The following ZNF490 variants were observed in gnomAD, a reference collection of about 807,000 sequenced individuals.
The protein encoded by ZNF490 is zinc finger protein 490.
Under a neutral mutation model 17.7 loss-of-function variants are expected in ZNF490, and 11 were observed. The ratio of observed to expected loss-of-function variants is 0.62; its 90% CI spans 0.39 to 1.03. The LOEUF is 1.03. Among genes scored for constraint, ZNF490 ranks in the 50% least tolerant of loss-of-function variants. The pLI, the probability that ZNF490 is intolerant of heterozygous loss-of-function variation, is 0.00. For synonymous variants in ZNF490, 222 were observed against 216.1 expected, an observed-to-expected ratio of 1.03 and a Z score of -0.24; for missense variants, 542 against 643.4, an observed-to-expected ratio of 0.84 and a Z score of 1.71.
intron 2 of ZNF490, among the ~76,000 whole-genome samples, chr19:12,591,936 G>C (rs2022877463): frequency 6.6e-6 from 1 of 152,034 alleles, no homozygotes; most frequent in South Asian, 2.1e-4. Flanking sequence ...ACCTGCACAT[G>C]AATGCTTATA....
At position 12,592,134 on chromosome 19, in the gene ZNF490, G is replaced by C. The variant is rs373930601; in HGVS notation, c.163-8578C>G. On this transcript the variant is annotated intron_variant, in intron 2 of 4. Coordinates refer to ENST00000311437, the MANE Select transcript of ZNF490 (RefSeq NM_020714.3). Reference sequence around the variant, plus strand: ...GGGCAGACCATGAGGTCAGGAGATCGAGACTATCCTGGCCAACATGGTGAA... The same window carrying C: ...GGGCAGACCATGAGGTCAGGAGATCCAGACTATCCTGGCCAACATGGTGAA... 6.8e-4 allele frequency among the ~76,000 whole-genome samples: 103 copies of C among 152,266 alleles called. 1 individual carries two copies. Among genetic ancestry groups the C allele is most frequent in the African/African-American group, 2.3e-3 (95 of 41,562 alleles).
chr19:12,583,756 G>GCT (rs1195574032), intron 2 of ZNF490, among the ~76,000 whole-genome samples, 200 bp from the exon 3 acceptor site: 928 of 29,162 alleles, frequency 0.032, 7 homozygotes, highest in Admixed American at 0.048. Flanking sequence ...AAATTATTGC[G>GCT]CTCTCTCTCT....
At chr19:12,592,416 G>A (rs35945052) in intron 2 of ZNF490, among the ~76,000 whole-genome samples, 74,821 of 151,478 alleles carry the variant, frequency 0.49, 21,574 homozygotes, top group Non-Finnish European at 0.66. Context: ...AAAAAAAGAC[G>A]TGGAGAAACC....
intron 2 of ZNF490, among the ~76,000 whole-genome samples, chr19:12,600,299 G>A (rs1427997088): frequency 1.3e-5 from 2 of 151,974 alleles, no homozygotes; most frequent in African/African-American, 4.8e-5. Flanking sequence ...CCCAGGAGGT[G>A]GAAGTTGCAG....
In ZNF490 at chr19:12,609,042, A is replaced by C. The variant is rs1428549412; in HGVS notation, c.162+116T>G. On this transcript the variant is annotated intron_variant, in intron 2 of 4. Transcript: ENST00000311437. ...CCTGGTTATTGGCCTTGACTATGGG[A>C]GTGCCTTCACAAAGACCCGAAAGAC... 4 of 857,200 alleles carry C rather than the reference A, an allele frequency of 4.7e-6. No individual in the cohort carries two copies. In the East Asian group the frequency reaches 7.8e-5, roughly 17 times the overall value. 53.1% of individuals were successfully genotyped at this position (857,200 alleles called of 1,614,324 possible). A position where few individuals can be genotyped will look rare whatever the true frequency, so the allele number is the denominator to read the frequency against.
intron 1 of ZNF490, chr19:12,609,946 G>A (rs2023124718): frequency 2.2e-6 from 1 of 455,084 alleles, no homozygotes; most frequent in South Asian, 1.6e-5. Flanking sequence ...ATATATCCAC[G>A]TAACACAAGT....
chr19:12,576,831 A>C lies in ZNF490; in HGVS notation c.*3654T>G, dbSNP rs1051874437. Among the ~76,000 whole-genome samples the C allele has an allele frequency of 4.6e-5, 7 of 151,210 alleles. No individual in the cohort carries two copies. The highest frequency in any genetic ancestry group is 3.5e-3 in the Middle Eastern group (1 of 288). On this transcript the variant is annotated 3_prime_UTR_variant, in exon 5 of 5. Coordinates refer to ENST00000311437, the MANE Select transcript of ZNF490 (RefSeq NM_020714.3). ...TCCATCTCAAAAAAAAAAAAAAAAA[A>C]AAAAACCTAAAAGCATTCCATATTT...
chr19:12,580,344 G>A lies in ZNF490; in HGVS notation c.*141C>T, dbSNP rs971057088. On this transcript the variant is annotated 3_prime_UTR_variant, in exon 5 of 5. Transcript: ENST00000311437. Reference sequence around the variant, plus strand: ...TTTGTTAAATATTTCATTGCCGCATGAGTCACGTCTTCAAAGGGAATTAGG... The same window carrying A: ...TTTGTTAAATATTTCATTGCCGCATAAGTCACGTCTTCAAAGGGAATTAGG... 1 of 1,456,392 alleles carries A rather than the reference G, an allele frequency of 6.9e-7. No individual in the cohort carries two copies. Among genetic ancestry groups the A allele is most frequent in the Non-Finnish European group, 9.0e-7 (1 of 1,110,084 alleles). The allele number at this position is 1,456,392 out of a possible 1,614,324, so 90.2% of individuals were successfully genotyped here.
chr19:12,609,130 C>A, intron 2 of ZNF490, 28 bp downstream of exon 2: 2 of 1,612,722 alleles, frequency 1.2e-6, no homozygotes, highest in South Asian at 1.1e-5. Flanking sequence ...GGAAGGTAGC[C>A]ACGCTGACAG....
intron 2 of ZNF490, among the ~76,000 whole-genome samples, chr19:12,608,593 C>T (rs2023101717): frequency 6.6e-6 from 1 of 151,934 alleles, no homozygotes; most frequent in African/African-American, 2.4e-5. Context: ...GCCTCAGCCA[C>T]CCAAGTAGCT....
chr19:12,602,077 T>TACACAC (rs1386548305), intron 2 of ZNF490, among the ~76,000 whole-genome samples: 7 of 59,032 alleles, frequency 1.2e-4, no homozygotes, highest in East Asian at 6.1e-4. Context: ...CAGTTCACTA[T>TACACAC]ATACACACAC....
rs941344639 is a variant in ZNF490, at chr19:12,580,918, C to T, written c.1157G>A (p.Gly386Glu). The T allele has an allele frequency of 6.2e-7, 1 of 1,614,154 alleles. No homozygotes were observed. The highest frequency in any genetic ancestry group is 8.5e-7 in the Non-Finnish European group (1 of 1,180,034). ...TTGTTTACATTCATAGGGTTTTTCT[C>T]CAAAATGAGTTCTTTCGTGCACTTC... Reference protein sequence around the residue: ...SCEVHERTHFGEKPYECKQCG... With the variant: ...SCEVHERTHFEEKPYECKQCG... The change falls in exon 5 of 5, where the codon GGA becomes GAA. Residue 386 changes from glycine to glutamate, a missense_variant. Gly to Glu is a moderately conservative substitution (Grantham distance 98, BLOSUM62 -2). Coordinates refer to ENST00000311437, the MANE Select transcript of ZNF490 (RefSeq NM_020714.3).
intron 2 of ZNF490, among the ~76,000 whole-genome samples, chr19:12,599,714 G>A (rs1324487065): frequency 6.6e-6 from 1 of 152,164 alleles, no homozygotes; most frequent in Non-Finnish European, 1.5e-5. Context: ...GGAAAGTAGA[G>A]TATACTTTTG....
At chr19:12,605,751 C>A (rs192218913) in intron 2 of ZNF490, among the ~76,000 whole-genome samples, 56 of 152,310 alleles carry the variant, frequency 3.7e-4, no homozygotes, top group African/African-American at 1.1e-3. Context: ...TTATATAGCA[C>A]ACCCAGCTGG....
chr19:12,608,460 T>TG (rs2023099876), intron 2 of ZNF490, among the ~76,000 whole-genome samples: 3 of 28,474 alleles, frequency 1.1e-4, no homozygotes, highest in African/African-American at 2.7e-4. Flanking sequence ...TATTTATGTA[T>TG]TTATTTATTT....
chr19:12,590,166 C>G (rs1599308202), intron 2 of ZNF490, among the ~76,000 whole-genome samples: 2 of 151,762 alleles, frequency 1.3e-5, no homozygotes, highest in African/African-American at 4.8e-5. Context: ...ACGCCCGTCT[C>G]AGCCTCCCAA....
intron 2 of ZNF490, 123 bp from the exon 3 acceptor site, chr19:12,583,679 T>C: frequency 3.1e-6 from 3 of 962,162 alleles, no homozygotes; most frequent in Non-Finnish European, 4.2e-6. Context: ...TATAACTTGG[T>C]TGTCAGAACT....
chr19:12,592,092 C>T (rs772075788), intron 2 of ZNF490, among the ~76,000 whole-genome samples: 1 of 152,186 alleles, frequency 6.6e-6, no homozygotes, highest in Non-Finnish European at 1.5e-5. Flanking sequence ...AATCCCAGCA[C>T]TTTGGGAGGC....
intron 2 of ZNF490, among the ~76,000 whole-genome samples, chr19:12,598,832 C>G (rs938925171): frequency 6.6e-6 from 1 of 151,314 alleles, no homozygotes; most frequent in Non-Finnish European, 1.5e-5. Flanking sequence ...ACTAAAAATA[C>G]AAAAATTAGC....
Sources: allele counts gnomAD v4.1 joint callset (sites outside exome capture counted in the v4.1 genomes callset), GRCh38; gene constraint gnomAD v4.1.1; transcripts MANE v1.5; gene names NCBI Gene and HGNC (gene_info 2026-07-23, HGNC 2026-07-21).